The following TLCD4 variants were observed in gnomAD, a reference collection of about 807,000 sequenced individuals.
The protein encoded by TLCD4 is TLC domain containing 4.
A neutral mutation model predicts 24.2 loss-of-function variants in TLCD4; 7 were observed. The observed-to-expected ratio is 0.29, with a 90% CI of 0.16 to 0.54. The LOEUF (loss-of-function observed/expected upper bound fraction) is 0.54, where lower values mean the gene tolerates loss of function less well. TLCD4 is among the 20% of genes least tolerant of loss of function. TLCD4 has a pLI of 0.95. For missense variants in TLCD4, 259 were observed against 313.9 expected (o/e 0.82, Z 1.32); for synonymous variants, 103 against 106.4 (o/e 0.97, Z 0.20).
Position 95,177,826 on chromosome 1 carries a change from A to G in TLCD4, c.473+3937A>G, listed in dbSNP as rs560521888. 1.2e-4 allele frequency among the ~76,000 whole-genome samples: 19 copies of G among 152,114 alleles called. No homozygotes were observed. The South Asian group carries it at 3.3e-3, about 27-fold the overall frequency. On this transcript the variant is annotated intron_variant, in intron 6 of 6. Transcript: ENST00000370203. ...AAGTATGTTCTTCTAAAAGCATCCC[A>G]TAGATGAAGCCTCTCTTGCTACAAA...
chr1:95,119,266 G>A (rs566056711), intron 1 of TLCD4, among the ~76,000 whole-genome samples: 1 of 152,158 alleles, frequency 6.6e-6, no homozygotes, highest in Admixed American at 6.5e-5. Context: ...TTCTGAATAG[G>A]TCCTGGAGTA....
chr1:95,166,505 C>T (rs184558261), intron 5 of TLCD4, among the ~76,000 whole-genome samples: 14 of 152,154 alleles, frequency 9.2e-5, no homozygotes, highest in Admixed American at 3.3e-4. Flanking sequence ...GATTTGTTCA[C>T]GTAAGGTTAT....
chr1:95,150,139 T>C, intron 3 of TLCD4, 69 bp from the exon 4 acceptor site: 1 of 1,522,026 alleles, frequency 6.6e-7, no homozygotes. Flanking sequence ...TTTAAATCTC[T>C]ATAGAAAAAA....
At chr1:95,169,447 C>T (rs1292817589) in intron 5 of TLCD4, among the ~76,000 whole-genome samples, 1 of 152,120 alleles carries the variant, frequency 6.6e-6, no homozygotes, top group Admixed American at 6.5e-5. Context: ...TTTAGATGAA[C>T]ATAACATCAA....
chr1:95,137,068 A>G (rs1677063052), intron 1 of TLCD4, among the ~76,000 whole-genome samples: 1 of 152,158 alleles, frequency 6.6e-6, no homozygotes, highest in South Asian at 2.1e-4. Context: ...GCGCATAGCC[A>G]GGCAGAACCT....
At chr1:95,094,540 C>T in the TLCD4 span, among the ~76,000 whole-genome samples, 6,796 of 152,248 alleles carry the variant, frequency 0.045, 200 homozygotes, top group Middle Eastern at 0.088. Context: ...AATTTTTAAA[C>T]GGCAACAACA....
Position 95,191,797 on chromosome 1 carries a change from T to A in TLCD4, c.721T>A (p.Cys241Ser). The A allele has an allele frequency of 6.2e-7, 1 of 1,614,156 alleles. No individual in the cohort carries two copies. The change falls in exon 7 of 7, where the codon TGC (cysteine) becomes AGC (serine). Residue 241 changes from cysteine (C) to serine (S), a missense_variant. By Grantham distance (112) the Cys-to-Ser change is moderately radical. Transcript: ENST00000370203. ...GTGGATGATCAAAATTTCAAAAGGT[T>A]GCATCAAAGTCATCTCTCACATCAG... ...VMWMIKISKG[C>S]IKVISHIRQE...
At chr1:95,177,069 C>T (rs1265664620) in intron 6 of TLCD4, among the ~76,000 whole-genome samples, 1 of 152,132 alleles carries the variant, frequency 6.6e-6, no homozygotes. Flanking sequence ...CTTTCACTAC[C>T]TTATTTTTTC....
chr1:95,098,667 C>T, the TLCD4 span, among the ~76,000 whole-genome samples: 2 of 152,074 alleles, frequency 1.3e-5, no homozygotes, highest in South Asian at 4.2e-4. Context: ...ATGATCTTTC[C>T]TCAGTTTGGA....
At chr1:95,142,452 A>G (rs1443602329) in intron 1 of TLCD4, among the ~76,000 whole-genome samples, 3 of 152,132 alleles carry the variant, frequency 2.0e-5, no homozygotes, top group Non-Finnish European at 4.4e-5. Flanking sequence ...ATTTTGAACA[A>G]AGAATTAGAC....
chr1:95,103,140 G>A, the TLCD4 span, among the ~76,000 whole-genome samples: 20 of 152,142 alleles, frequency 1.3e-4, no homozygotes, highest in African/African-American at 4.1e-4. Flanking sequence ...CACCATGCCC[G>A]TCTAATTTTT....
At chr1:95,153,813 A>T (rs141711364) in intron 5 of TLCD4, among the ~76,000 whole-genome samples, 1 of 152,098 alleles carries the variant, frequency 6.6e-6, no homozygotes, top group Non-Finnish European at 1.5e-5. Context: ...TAAGAACTAT[A>T]AGGACATGAT....
At chr1:95,133,273 T>C (rs1432447716) in intron 1 of TLCD4, among the ~76,000 whole-genome samples, 1 of 152,000 alleles carries the variant, frequency 6.6e-6, no homozygotes, top group Non-Finnish European at 1.5e-5. Context: ...TTAGCAGATA[T>C]ACCTAATGTT....
At chr1:95,099,288 G>A in the TLCD4 span, among the ~76,000 whole-genome samples, 2 of 151,970 alleles carry the variant, frequency 1.3e-5, no homozygotes, top group Admixed American at 6.6e-5. Context: ...GTTATTATAC[G>A]GATCTTGCAC....
chr1:95,109,044 A>G, the TLCD4 span, among the ~76,000 whole-genome samples: 1 of 152,294 alleles, frequency 6.6e-6, no homozygotes, highest in African/African-American at 2.4e-5. Flanking sequence ...TTTAAAAATT[A>G]GGGGCACGTG....
chr1:95,138,027 A>G (rs1677096420), intron 1 of TLCD4, among the ~76,000 whole-genome samples: 3 of 152,022 alleles, frequency 2.0e-5, no homozygotes, highest in Admixed American at 2.0e-4. Context: ...CATGAGCCCG[A>G]CTGAGAACTG....
intron 6 of TLCD4, among the ~76,000 whole-genome samples, chr1:95,190,623 G>C (rs1211261391): frequency 6.6e-6 from 1 of 151,058 alleles, no homozygotes; most frequent in East Asian, 2.0e-4. Context: ...CACTGCGCCT[G>C]GCTGGCCAGG....
rs78715623 is a variant in TLCD4 at position 95,150,192 on chromosome 1, CT to C, written c.246-4del. 0.028 allele frequency: 31,691 copies of C among 1,112,514 alleles called. No individual in the cohort carries two copies. The highest frequency in any genetic ancestry group is 0.068 in the Admixed American group (2,898 of 42,552). 68.9% of individuals were successfully genotyped at this position (1,112,514 alleles called of 1,614,324 possible). ...CAATCTATATACTTTAAAAAGGAACCTTTTTTTTTTTTCAGGGGTGGTCCAT... is the reference window on the plus strand; with the variant it reads ...CAATCTATATACTTTAAAAAGGAACCTTTTTTTTTTTCAGGGGTGGTCCAT... On this transcript the variant is annotated splice_polypyrimidine_tract_variant and intron_variant, in intron 3 of 6. Transcript: ENST00000370203.
intron 1 of TLCD4, among the ~76,000 whole-genome samples, chr1:95,122,999 G>T (rs996380789): frequency 6.6e-6 from 1 of 151,610 alleles, no homozygotes; most frequent in Non-Finnish European, 1.5e-5. Context: ...AGAGAAATAG[G>T]GTCTCACTGT....
Sources: allele counts gnomAD v4.1 joint callset (sites outside exome capture counted in the v4.1 genomes callset), GRCh38; gene constraint gnomAD v4.1.1; transcripts MANE v1.5; gene names NCBI Gene and HGNC (gene_info 2026-07-23, HGNC 2026-07-21).